PLCB1: variants seen among roughly 807,000 people sequenced by gnomAD.
The protein encoded by PLCB1 is phospholipase C beta 1.
PLCB1 carries 46 observed loss-of-function variants against 161.8 expected under a neutral mutation model. The ratio of observed to expected loss-of-function variants is 0.28; its 90% CI spans 0.22 to 0.36. The LOEUF (loss-of-function observed/expected upper bound fraction) is 0.36, where lower values mean the gene tolerates loss of function less well. Among genes scored for constraint, PLCB1 ranks in the 10% least tolerant of loss-of-function variants. The pLI is 1.00. For synonymous variants in PLCB1, 517 were observed against 503.7 expected, an observed-to-expected ratio of 1.03 and a Z score of -0.35; for missense variants, 1,016 against 1,472.5, an observed-to-expected ratio of 0.69 and a Z score of 5.07.
intron 12 of PLCB1, among the ~76,000 whole-genome samples, chr20:8,714,100 A>T (rs759425346): frequency 6.6e-6 from 1 of 152,052 alleles, no homozygotes; most frequent in Non-Finnish European, 1.5e-5. Context: ...GCACATGCTG[A>T]CTTACCTTAA....
At chr20:8,432,306 C>T (rs779931238) in intron 3 of PLCB1, among the ~76,000 whole-genome samples, 16 of 152,206 alleles carry the variant, frequency 1.1e-4, no homozygotes, top group Non-Finnish European at 1.9e-4. Flanking sequence ...GCAAACAGCA[C>T]CAACTCCCGT....
intron 2 of PLCB1, among the ~76,000 whole-genome samples, chr20:8,267,989 T>C (rs1015416219): frequency 1.7e-5 from 2 of 118,446 alleles, no homozygotes; most frequent in African/African-American, 6.5e-5. Context: ...TATTATACTT[T>C]AAGTTCTAGG....
At chr20:8,788,746 C>T in intron 29 of PLCB1, 24 bp downstream of exon 29, 1 of 1,415,390 alleles carries the variant, frequency 7.1e-7, no homozygotes, top group Middle Eastern at 1.8e-4. Context: ...GTCCCCTCTC[C>T]CAAACAGTTC....
At chr20:8,782,117 G>T (rs938635225) in intron 27 of PLCB1, among the ~76,000 whole-genome samples, 1 of 152,296 alleles carries the variant, frequency 6.6e-6, no homozygotes. Context: ...GTTCTATTTA[G>T]CTATGGAAAT....
chr20:8,750,226 C>T (rs983192028), intron 23 of PLCB1, among the ~76,000 whole-genome samples: 4 of 152,196 alleles, frequency 2.6e-5, no homozygotes, highest in Admixed American at 6.5e-5. Context: ...CTCCAGTTAC[C>T]GCTGGAAGAA....
intron 31 of PLCB1, among the ~76,000 whole-genome samples, chr20:8,869,193 A>T (rs1225621531): frequency 3.3e-5 from 5 of 151,476 alleles, no homozygotes; most frequent in African/African-American, 1.2e-4. Flanking sequence ...TATCTTGATT[A>T]TTTTTTTTTA....
chr20:8,302,252 A>G (rs1338908085), intron 2 of PLCB1, among the ~76,000 whole-genome samples: 1 of 152,244 alleles, frequency 6.6e-6, no homozygotes, highest in Non-Finnish European at 1.5e-5. Flanking sequence ...TCTTCAGTGA[A>G]CAGTTGTTAG....
intron 2 of PLCB1, among the ~76,000 whole-genome samples, chr20:8,303,241 C>T (rs929952515): frequency 2.2e-4 from 33 of 152,106 alleles, no homozygotes; most frequent in African/African-American, 5.1e-4. Flanking sequence ...TGTATAGATC[C>T]GGGGTTTCAA....
chr20:8,230,964 G>A (rs929160176), intron 2 of PLCB1, among the ~76,000 whole-genome samples: 4 of 152,024 alleles, frequency 2.6e-5, no homozygotes, highest in Non-Finnish European at 5.9e-5. Flanking sequence ...TAGTTCCTAT[G>A]CACCATCACC....
chr20:8,876,757 A>G (rs747747832), intron 31 of PLCB1, among the ~76,000 whole-genome samples: 14 of 152,168 alleles, frequency 9.2e-5, no homozygotes, highest in Non-Finnish European at 1.6e-4. Flanking sequence ...CTGATAGTCA[A>G]TTGAAGTGAT....
At chr20:8,582,520 A>G (rs936933375) in intron 3 of PLCB1, among the ~76,000 whole-genome samples, 2 of 152,046 alleles carry the variant, frequency 1.3e-5, no homozygotes, top group African/African-American at 4.8e-5. Context: ...CTGCTTCCCT[A>G]TATTGCTTCC....
In PLCB1 at chr20:8,263,259, T is replaced by A. The variant is rs1385719265; in HGVS notation, c.178-108123T>A. On this transcript the variant is annotated intron_variant, in intron 2 of 31. Coordinates refer to ENST00000338037, the MANE Select transcript of PLCB1 (RefSeq NM_015192.4). ...TATTAGCCTGGGTTAAACTCTGGAG[T>A]AGTTAAGAAATGAGGCAATTTCTCA... is the stretch of plus-strand genomic sequence containing the variant. Among the ~76,000 whole-genome samples, 3 of 152,090 alleles carry A rather than the reference T, an allele frequency of 2.0e-5. No individual in the cohort carries two copies. In the East Asian group the frequency reaches 5.8e-4, roughly 29 times the overall value.
chr20:8,248,321 C>T (rs975552206), intron 2 of PLCB1, among the ~76,000 whole-genome samples: 1 of 151,912 alleles, frequency 6.6e-6, no homozygotes, highest in African/African-American at 2.4e-5. Flanking sequence ...ACTTCCAGCT[C>T]TCCATAGTGT....
intron 2 of PLCB1, among the ~76,000 whole-genome samples, chr20:8,190,180 G>A (rs576293621): frequency 1.6e-3 from 248 of 152,134 alleles, no homozygotes; most frequent in Middle Eastern, 3.4e-3. Flanking sequence ...GTGTACTGCA[G>A]AAGTATGCTC....
chr20:8,404,394 A>T (rs1978696373), intron 3 of PLCB1, among the ~76,000 whole-genome samples: 1 of 152,172 alleles, frequency 6.6e-6, no homozygotes, highest in African/African-American at 2.4e-5. Flanking sequence ...TTGAATGTCT[A>T]ATGATTTGCA....
intron 2 of PLCB1, among the ~76,000 whole-genome samples, chr20:8,293,961 C>G (rs768217928): frequency 1.3e-5 from 2 of 152,090 alleles, no homozygotes; most frequent in Non-Finnish European, 2.9e-5. Flanking sequence ...TCTAGAAGAT[C>G]TATTTGAGTT....
chr20:8,179,179 G>A (rs935572908), intron 2 of PLCB1, among the ~76,000 whole-genome samples: 6 of 152,098 alleles, frequency 3.9e-5, no homozygotes, highest in Non-Finnish European at 8.8e-5. Flanking sequence ...GAATGTCATT[G>A]GCAGTTTGAT....
intron 2 of PLCB1, among the ~76,000 whole-genome samples, chr20:8,304,850 C>T (rs1396895717): frequency 6.6e-6 from 1 of 152,078 alleles, no homozygotes; most frequent in African/African-American, 2.4e-5. Flanking sequence ...GAAACTTGCT[C>T]ACCAGGATCT....
chr20:8,773,754 A>C (rs961086732), intron 26 of PLCB1, among the ~76,000 whole-genome samples: 5 of 152,158 alleles, frequency 3.3e-5, no homozygotes, highest in Admixed American at 2.6e-4. Flanking sequence ...TGGGCAGATC[A>C]CTTGAGGTCA....
Sources: allele counts gnomAD v4.1 joint callset (sites outside exome capture counted in the v4.1 genomes callset), GRCh38; gene constraint gnomAD v4.1.1; transcripts MANE v1.5; gene names NCBI Gene and HGNC (gene_info 2026-07-23, HGNC 2026-07-21).